NBPF26: variants seen among roughly 807,000 people sequenced by gnomAD.
NBPF26 encodes NBPF member 26, also known as NBPF family member NBPF26.
Under a neutral mutation model 119.6 loss-of-function variants are expected in NBPF26, and 79 were observed. The ratio of observed to expected loss-of-function variants is 0.66; its 90% CI spans 0.55 to 0.80. The LOEUF (loss-of-function observed/expected upper bound fraction) is 0.80. Ranked by LOEUF, NBPF26 falls within the 30% of genes least tolerant of loss-of-function variation. The pLI, the probability that NBPF26 is intolerant of heterozygous loss-of-function variation, is 0.00. For synonymous variants in NBPF26, 299 were observed against 457.7 expected (o/e 0.65, Z 4.43); for missense variants, 800 against 1,198.2 (o/e 0.67, Z 4.91).
At chr1:120,812,125 G>T in intron 10 of NBPF26, 30 bp downstream of exon 10, 1 of 1,111,574 alleles carries the variant, frequency 9.0e-7, no homozygotes. Context: ...CATCACGAAA[G>T]TGATGAACGA....
At chr1:120,810,795 A>G (rs1215596653) in intron 9 of NBPF26, among the ~76,000 whole-genome samples, 1 of 110,376 alleles carries the variant, frequency 9.1e-6, no homozygotes, top group African/African-American at 5.4e-5. Flanking sequence ...TTTACAAAGA[A>G]TACAAAAAAT....
chr1:120,765,144 A>G lies in NBPF26; in HGVS notation c.155+1435A>G, dbSNP rs1219178697. On this transcript the variant is annotated intron_variant, in intron 2 of 29. Transcript: ENST00000620612. ...TTATGTAGCTTATTATGAGCTGCTC[A>G]TTTAGTTTTTCTAGCTGGGGGAAAA... is the stretch of plus-strand genomic sequence containing the variant. 4.1e-5 allele frequency among the ~76,000 whole-genome samples: 5 copies of G among 121,376 alleles called. 2 individuals carry two copies. Among genetic ancestry groups the G allele is most frequent in the African/African-American group, 2.1e-4 (5 of 23,900 alleles). 79.6% of individuals were successfully genotyped at this position (121,376 alleles called of 152,430 possible).
chr1:120,804,653 C>G (rs1226401509), intron 4 of NBPF26, among the ~76,000 whole-genome samples: 1 of 119,766 alleles, frequency 8.3e-6, no homozygotes, highest in Non-Finnish European at 1.6e-5. Flanking sequence ...CTATAAGTGA[C>G]AAGTTTAAAA....
Position 120,785,326 on chromosome 1 carries a change from C to T in NBPF26, c.415+93C>T. 5.9e-6 allele frequency: 5 copies of T among 846,068 alleles called. 2 individuals carry two copies. In the Admixed American group the frequency reaches 1.1e-4, roughly 19 times the overall value. The allele number at this position is 846,068 out of a possible 1,614,324, so 52.4% of individuals were successfully genotyped here. A position where few individuals can be genotyped will look rare whatever the true frequency, so the allele number is the denominator to read the frequency against. On this transcript the variant is annotated intron_variant, in intron 3 of 29. Coordinates refer to ENST00000620612, the Ensembl canonical transcript of NBPF26. ...ATCATGGTGTCTGGCTCTTAAATGT[C>T]CCCCAGCTCTGGTGCACATTTAACA...
chr1:120,763,373 A>G (rs1651153594), intron 1 of NBPF26, among the ~76,000 whole-genome samples: 1 of 101,176 alleles, frequency 9.9e-6, no homozygotes, highest in Non-Finnish European at 1.8e-5. Flanking sequence ...GGAGATGGAG[A>G]TGTAACAGCT....
intron 4 of NBPF26, among the ~76,000 whole-genome samples, chr1:120,804,658 T>A (rs1315296224): frequency 8.3e-6 from 1 of 119,952 alleles, no homozygotes; most frequent in Non-Finnish European, 1.6e-5. Flanking sequence ...AGTGACAAGT[T>A]TAAAATGTAG....
intron 15 of NBPF26, among the ~76,000 whole-genome samples, chr1:120,820,776 T>G (rs1652116006): frequency 5.0e-3 from 1 of 200 alleles, no homozygotes; most frequent in African/African-American, 0.056. Flanking sequence ...AATGTTGGCC[T>G]TCCTTGCTAG....
chr1:120,823,057 A>G lies in NBPF26; in HGVS notation c.2588-252A>G, dbSNP rs1652154843. ...TGGGGAAAAAATTGCTCATTTGTGT[A>G]CATAAACCTAGGACAGAGCACATAG... On this transcript the variant is annotated intron_variant, in intron 16 of 29. Transcript: ENST00000620612. Among the ~76,000 whole-genome samples, 2 of 121,812 alleles carry G rather than the reference A, an allele frequency of 1.6e-5. 1 individual carries two copies. Among genetic ancestry groups the G allele is most frequent in the South Asian group, 5.0e-4 (2 of 4,040 alleles). The allele number at this position is 121,812 out of a possible 152,430, so 79.9% of individuals were successfully genotyped here.
rs1652197395 is a variant in NBPF26, at chr1:120,823,968, T to C, written c.2640-6T>C. ...GCTTATTCTTTACTTTTTCCCACTT[T>C]TCCAGGCTCAGCAGAGAGCTGCTGG... On this transcript the variant is annotated splice_polypyrimidine_tract_variant and splice_region_variant and intron_variant, in intron 17 of 29. Transcript: ENST00000620612. 20 of 768,510 alleles carry C rather than the reference T, an allele frequency of 2.6e-5. No homozygotes were observed. Among genetic ancestry groups the C allele is most frequent in the South Asian group, 1.5e-4 (10 of 68,864 alleles). 47.6% of individuals were successfully genotyped at this position (768,510 alleles called of 1,614,324 possible).
intron 2 of NBPF26, among the ~76,000 whole-genome samples, chr1:120,770,935 T>G (rs2101428064): frequency 9.0e-6 from 1 of 110,664 alleles, no homozygotes; most frequent in Non-Finnish European, 1.7e-5. Flanking sequence ...TAGGCCTGAG[T>G]ACCTCATATC....
chr1:120,763,480 G>A lies in NBPF26; in HGVS notation c.74-148G>A. On this transcript the variant is annotated intron_variant, in intron 1 of 29. Coordinates refer to ENST00000620612, the Ensembl canonical transcript of NBPF26. Reference sequence around the variant, plus strand: ...TTTGGGATGGGCTTCTGTGCTAGAAGCCAGAACATAAAAAACTGATTAAAA... The same window carrying A: ...TTTGGGATGGGCTTCTGTGCTAGAAACCAGAACATAAAAAACTGATTAAAA... The A allele has an allele frequency of 2.9e-5, 13 of 446,734 alleles. 2 individuals are homozygous for A. Among genetic ancestry groups the A allele is most frequent in the Non-Finnish European group, 3.2e-5 (8 of 252,684 alleles). 27.7% of individuals were successfully genotyped at this position (446,734 alleles called of 1,614,324 possible).
intron 8 of NBPF26, 129 bp downstream of exon 8, chr1:120,810,012 C>T (rs1278133090): frequency 1.5e-6 from 2 of 1,375,796 alleles, no homozygotes; most frequent in Admixed American, 1.8e-5. Flanking sequence ...TGAAATTCAA[C>T]CCAGCTTAGA....
chr1:120,725,032 C>A (rs2101334734), intron 1 of NBPF26, among the ~76,000 whole-genome samples: 5 of 56,594 alleles, frequency 8.8e-5, no homozygotes, highest in East Asian at 7.9e-4. Flanking sequence ...CTGGCAGCAG[C>A]ATTTGCTGCT....
At position 120,734,424 on chromosome 1, in the gene NBPF26, G is replaced by A. The variant is rs1191767292; in HGVS notation, c.73+10174G>A. Among the ~76,000 whole-genome samples the A allele has an allele frequency of 3.3e-5, 3 of 89,596 alleles. 1 individual carries two copies. Among genetic ancestry groups the A allele is most frequent in the African/African-American group, 1.3e-4 (2 of 14,826 alleles). 58.8% of individuals were successfully genotyped at this position (89,596 alleles called of 152,430 possible). The stretch of plus-strand genomic sequence containing the variant: ...ATATTTTCTTTTTTTTTTTTTTAAT[G>A]GTGTAGTTCAGAAAACGCCAGTTAG... On this transcript the variant is annotated intron_variant, in intron 1 of 29. Transcript: ENST00000620612.
At chr1:120,809,959 T>A (rs1213607439) in intron 8 of NBPF26, 76 bp downstream of exon 8, 1 of 1,504,964 alleles carries the variant, frequency 6.6e-7, no homozygotes, top group Non-Finnish European at 9.0e-7. Context: ...CTCTCTGGCA[T>A]CTATGGTGGG....
chr1:120,752,564 T>TA (rs1651034610), intron 1 of NBPF26, among the ~76,000 whole-genome samples: 1 of 25,322 alleles, frequency 3.9e-5, no homozygotes, highest in African/African-American at 4.0e-4. Flanking sequence ...ATTTTTTTTT[T>TA]TTTTTTTTTT....
In NBPF26 at chr1:120,840,427, C is replaced by G. The variant is rs1553273466; in HGVS notation, c.4181C>G (p.Ser1394Ter). The G allele has an allele frequency of 2.7e-6, 4 of 1,470,382 alleles. No homozygotes were observed. The East Asian group carries it at 6.8e-5, about 25-fold the overall frequency. 91.1% of individuals were successfully genotyped at this position (1,470,382 alleles called of 1,614,324 possible). Residue 1394 changes from serine to a stop codon, truncating the protein, a stop_gained, in exon 30 of 30, where the codon TCA (serine) becomes TGA (stop). Transcript: ENST00000620612. LOFTEE classifies it low-confidence loss of function (END_TRUNC). The stretch of plus-strand genomic sequence containing the variant: ...CTGGATATATGTTATTCGACTCCGT[C>G]AATGTACTTTGAACTACCTGACTCA...
At chr1:120,790,775 T>C (rs1196848429) in intron 3 of NBPF26, among the ~76,000 whole-genome samples, 1 of 106,860 alleles carries the variant, frequency 9.4e-6, no homozygotes, top group East Asian at 2.3e-4. Context: ...AATTTTTGTA[T>C]TTTTAGAAAA....
chr1:120,727,417 C>A lies in NBPF26; in HGVS notation c.73+3167C>A, dbSNP rs1183912983. 2.3e-3 allele frequency among the ~76,000 whole-genome samples: 265 copies of A among 116,618 alleles called. 62 individuals are homozygous for A. The highest frequency in any genetic ancestry group is 3.7e-3 in the Non-Finnish European group (227 of 60,978). 76.5% of individuals were successfully genotyped at this position (116,618 alleles called of 152,430 possible). ...GACTCAAGAATTTTAAAATTGCTAA[C>A]ATAAGAGATATAGAATATAATGTCA... On this transcript the variant is annotated intron_variant, in intron 1 of 29. Coordinates refer to ENST00000620612, the Ensembl canonical transcript of NBPF26.
Sources: gnomAD v4.1 joint callset for allele counts (sites outside exome capture counted in the v4.1 genomes callset) on GRCh38, gnomAD v4.1.1 for gene constraint, MANE v1.5 for transcripts, NCBI Gene and HGNC (gene_info 2026-07-23, HGNC 2026-07-21) for gene names.